PCNX3: variants seen among roughly 807,000 people sequenced by gnomAD.
The protein encoded by PCNX3 is pecanex 3.
A neutral mutation model predicts 207.2 loss-of-function variants in PCNX3; 58 were observed. That is an observed-to-expected ratio of 0.28 (90% CI 0.23 to 0.35). The LOEUF is 0.35. PCNX3 is among the 10% of genes least tolerant of loss of function. PCNX3 has a pLI of 1.00. For missense variants in PCNX3, 2,410 were observed against 2,774.4 expected (o/e 0.87, Z 2.95); for synonymous variants, 1,337 against 1,183.5 (o/e 1.13, Z -2.66).
Position 65,617,510 on chromosome 11 carries a change from G to A in PCNX3, c.481+1G>A. On this transcript the variant is annotated splice_donor_variant, in intron 4 of 34. Transcript: ENST00000355703. LOFTEE classifies it high-confidence loss of function. ...ATGGAGGACTCTGGGCCCCTTAGAGGTAGGTGGCTGCTCTTCAGGGTTGGA... is the reference window on the plus strand; with the variant it reads ...ATGGAGGACTCTGGGCCCCTTAGAGATAGGTGGCTGCTCTTCAGGGTTGGA... 2 of 1,613,968 alleles carry A rather than the reference G, an allele frequency of 1.2e-6. No individual in the cohort carries two copies. Among genetic ancestry groups the A allele is most frequent in the Non-Finnish European group, 1.7e-6 (2 of 1,179,878 alleles).
At position 65,627,015 on chromosome 11, in the gene PCNX3, C is replaced by A; in HGVS notation, c.3491C>A (p.Thr1164Lys). 6.5e-7 allele frequency: 1 copy of A among 1,536,380 alleles called. No homozygotes were observed. The highest frequency in any genetic ancestry group is 8.8e-7 in the Non-Finnish European group (1 of 1,139,586). Residue 1164 changes from threonine (T) to lysine (K), a missense_variant, in exon 21 of 35, where the codon ACA becomes AAA. By Grantham distance (78) the Thr-to-Lys change is moderately conservative (BLOSUM62 -1). Around this residue, in one of 8 missense-constraint regions of PCNX3, gnomAD observed 333 missense variants for 386.8 expected, o/e 0.86. Transcript: ENST00000355703. ...VLNALTVDAH[T>K]VVSHPDKYCF... ...AACGCCCTCACGGTGGACGCCCACA[C>A]AGTCGTCAGCCACCCGGACAAGTAC... is the stretch of plus-strand genomic sequence containing the variant.
chr11:65,635,094 G>A lies in PCNX3; in HGVS notation c.4927G>A (p.Val1643Ile), dbSNP rs760795981. ...GCTTCACCGCGTTGTGGCGCCTGGG[G>A]TTCGCATGGCCCTCAAGCTTCACCA... is the stretch of plus-strand genomic sequence containing the variant. ...DLLHRVVAPG[V>I]RMALKLHQDH... The change falls in exon 30 of 35, where the codon GTT becomes ATT. Residue 1643 changes from valine (V) to isoleucine (I), a missense_variant. Val to Ile is a conservative substitution (Grantham distance 29). Transcript: ENST00000355703. This position sits in a 1 kb window ranked among gnomAD's most constrained non-coding sequence, Gnocchi z 9.9. The A allele has an allele frequency of 1.2e-5, 19 of 1,613,640 alleles. No individual in the cohort carries two copies. The East Asian group carries it at 4.2e-4, about 36-fold the overall frequency.
At chr11:65,620,799 T>C (rs1425112292) in intron 9 of PCNX3, 32 bp from the exon 10 acceptor site, 1 of 1,586,664 alleles carries the variant, frequency 6.3e-7, no homozygotes, top group Non-Finnish European at 8.6e-7. Context: ...GGCTCGCCCG[T>C]GGGGGGATCC....
At chr11:65,622,107 C>T (rs1855135193) in intron 10 of PCNX3, 138 bp from the exon 11 acceptor site, 4 of 1,410,460 alleles carry the variant, frequency 2.8e-6, no homozygotes, top group African/African-American at 1.4e-5. Flanking sequence ...CCTTTATGTG[C>T]TGATGGAAAT....
Position 65,618,684 on chromosome 11 carries a change from GCTA to G in PCNX3, c.1324_1326del (p.Tyr442del), listed in dbSNP as rs755229258. The G allele has an allele frequency of 6.2e-7, 1 of 1,613,288 alleles. No individual in the cohort carries two copies. Among genetic ancestry groups the G allele is most frequent in the Non-Finnish European group, 8.5e-7 (1 of 1,179,804 alleles). On this transcript the variant is annotated inframe_deletion, in exon 6 of 35. Transcript: ENST00000355703. ...GCCTCCAGTCTCCGATCGCAGCGCC[GCTA>G]CAGTACTGACAGCTCCTCTTCTACT... is the stretch of plus-strand genomic sequence containing the variant.
At position 65,636,865 on chromosome 11, in the gene PCNX3, G is replaced by T; in HGVS notation, c.5992G>T (p.Asp1998Tyr). The change falls in exon 35 of 35, where the codon GAC becomes TAC. Residue 1998 changes from aspartate (D) to tyrosine (Y), a missense_variant. By Grantham distance (160) the Asp-to-Tyr change is radical. Coordinates refer to ENST00000355703, the MANE Select transcript of PCNX3 (RefSeq NM_032223.4). ...AGCTTCCCAGGACATTCCTTGCTTGGACAGCAGTGCCCCTGAGAGTGGCAC... is the reference window on the plus strand; with the variant it reads ...AGCTTCCCAGGACATTCCTTGCTTGTACAGCAGTGCCCCTGAGAGTGGCAC... ...PRASQDIPCL[D>Y]SSAPESGTPM... 1 of 1,551,446 alleles carries T rather than the reference G, an allele frequency of 6.4e-7. No homozygotes were observed. Among genetic ancestry groups the T allele is most frequent in the South Asian group, 1.2e-5 (1 of 84,102 alleles).
At position 65,635,901 on chromosome 11, in the gene PCNX3, C is replaced by T; in HGVS notation, c.5459+98C>T. ...GAGGGAGGACGTGCTGGAGCCAGGG[C>T]TTGAATCCCGAGAGATGACCCCCTC... On this transcript the variant is annotated intron_variant, in intron 32 of 34. Coordinates refer to ENST00000355703, the MANE Select transcript of PCNX3 (RefSeq NM_032223.4). This position sits in a 1 kb window ranked among gnomAD's most constrained non-coding sequence, Gnocchi z 9.9. 6.9e-7 allele frequency: 1 copy of T among 1,444,718 alleles called. No homozygotes were observed. Among genetic ancestry groups the T allele is most frequent in the Non-Finnish European group, 9.2e-7 (1 of 1,088,906 alleles). The allele number at this position is 1,444,718 out of a possible 1,614,324, so 89.5% of individuals were successfully genotyped here. A position where few individuals can be genotyped will look rare whatever the true frequency, so the allele number is the denominator to read the frequency against.
In PCNX3 at chr11:65,618,685, C is replaced by G; in HGVS notation, c.1323C>G (p.Arg441=). 6.2e-7 allele frequency: 1 copy of G among 1,613,370 alleles called. No individual in the cohort carries two copies. ...CCTCCAGTCTCCGATCGCAGCGCCG[C>G]TACAGTACTGACAGCTCCTCTTCTA... is the stretch of plus-strand genomic sequence containing the variant. ...SPASSLRSQR[R]YSTDSSSSTS... The change falls in exon 6 of 35, where the codon CGC becomes CGG. Residue 441 remains arginine, a synonymous_variant. Transcript: ENST00000355703.
intron 8 of PCNX3, among the ~76,000 whole-genome samples, 193 bp from the exon 9 acceptor site, chr11:65,620,146 C>G (rs1000204726): frequency 1.3e-5 from 2 of 152,240 alleles, no homozygotes; most frequent in African/African-American, 2.4e-5. Flanking sequence ...CAGGGGAGAT[C>G]TAAAGCTAGG....
chr11:65,635,124 G>T lies in PCNX3; in HGVS notation c.4953+4G>T, dbSNP rs763784332. Reference sequence around the variant, plus strand: ...CATGGCCCTCAAGCTTCACCAGGTTGGGGAGGGGTGTGCCCAGCAGCATGG... The same window carrying T: ...CATGGCCCTCAAGCTTCACCAGGTTTGGGAGGGGTGTGCCCAGCAGCATGG... On this transcript the variant is annotated splice_donor_region_variant and intron_variant, in intron 30 of 34. Transcript: ENST00000355703. This position sits in a 1 kb window ranked among gnomAD's most constrained non-coding sequence, Gnocchi z 9.9. 6.2e-7 allele frequency: 1 copy of T among 1,612,430 alleles called. No homozygotes were observed.
chr11:65,617,959 G>T lies in PCNX3; in HGVS notation c.597G>T (p.Thr199=), dbSNP rs368247343. 28 of 1,577,966 alleles carry T rather than the reference G, an allele frequency of 1.8e-5. No individual in the cohort carries two copies. The highest frequency in any genetic ancestry group is 2.4e-5 in the Non-Finnish European group (28 of 1,164,042). The stretch of plus-strand genomic sequence containing the variant: ...TGGCAGTTGGAGACCTTCCCCAGAC[G>T]CCTCCAGGGGCTGTCCCAGACCCCT... ...QEKLIGDLPQ[T]PPGAVPDPSL... The change falls in exon 6 of 35, where the codon ACG becomes ACT. Residue 199 remains threonine, a synonymous_variant. Coordinates refer to ENST00000355703, the MANE Select transcript of PCNX3 (RefSeq NM_032223.4).
At chr11:65,623,362 C>T (rs542961651) in intron 11 of PCNX3, 129 bp from the exon 12 acceptor site, 5 of 1,258,996 alleles carry the variant, frequency 4.0e-6, no homozygotes, top group East Asian at 5.4e-5. Flanking sequence ...GTGTTCACAT[C>T]TTCAGAGGAC....
chr11:65,623,169 G>A (rs1167580354), intron 11 of PCNX3, among the ~76,000 whole-genome samples: 3 of 152,258 alleles, frequency 2.0e-5, no homozygotes, highest in Non-Finnish European at 1.5e-5. Context: ...GCCCAAGGCA[G>A]CATGCACGAT....
In PCNX3 at chr11:65,636,602, G is replaced by C; in HGVS notation, c.5805G>C (p.Lys1935Asn). ...TCAGTTCTGAGGGCCCCAGTGGAAA[G>C]TGGAGCCTGGGGGGCCGGAAGGGGC... ...GLLSSEGPSGKWSLGGRKGLG... is the reference protein window; with the variant it reads ...GLLSSEGPSGNWSLGGRKGLG... Residue 1935 changes from lysine to asparagine, a missense_variant, in exon 34 of 35, where the codon AAG (lysine) becomes AAC (asparagine). Coordinates refer to ENST00000355703, the MANE Select transcript of PCNX3 (RefSeq NM_032223.4). 1.3e-6 allele frequency: 2 copies of C among 1,589,092 alleles called. No individual in the cohort carries two copies. The highest frequency in any genetic ancestry group is 2.3e-5 in the East Asian group (1 of 43,792).
chr11:65,629,857 G>A lies in PCNX3; in HGVS notation c.4216+122G>A. On this transcript the variant is annotated intron_variant, in intron 26 of 34. Transcript: ENST00000355703. ...CTGTCCAGGCTGGCGGGTGGCCTTGGGCAAGGCACTCCTCCTCCCTGGGCC... is the reference window on the plus strand; with the variant it reads ...CTGTCCAGGCTGGCGGGTGGCCTTGAGCAAGGCACTCCTCCTCCCTGGGCC... The A allele has an allele frequency of 2.8e-6, 3 of 1,064,992 alleles. No homozygotes were observed. The Middle Eastern group carries it at 9.0e-4, about 319-fold the overall frequency. The allele number at this position is 1,064,992 out of a possible 1,614,324, so 66.0% of individuals were successfully genotyped here.
chr11:65,629,489 T>C (rs571857340), intron 25 of PCNX3, 31 bp from the exon 26 acceptor site: 1 of 1,612,660 alleles, frequency 6.2e-7, no homozygotes, highest in Admixed American at 1.7e-5. Flanking sequence ...CTTGTCACTT[T>C]GTCCATTTGC....
At chr11:65,634,821 C>T (rs961986337) in intron 29 of PCNX3, among the ~76,000 whole-genome samples, 152 bp from the exon 30 acceptor site, 2 of 152,138 alleles carry the variant, frequency 1.3e-5, no homozygotes, top group Non-Finnish European at 2.9e-5. Flanking sequence ...CCTCAGTGCT[C>T]TGTGAGAGAC....
In PCNX3 at chr11:65,630,338, C is replaced by T. The variant is rs765911426; in HGVS notation, c.4217-13C>T. ...GTTCTAGCAGCCCCTGACTGCACAC[C>T]CCTCCTCCACAGGCACTTACTGCCA... On this transcript the variant is annotated splice_polypyrimidine_tract_variant and intron_variant, in intron 26 of 34. Coordinates refer to ENST00000355703, the MANE Select transcript of PCNX3 (RefSeq NM_032223.4). 4 of 1,611,942 alleles carry T rather than the reference C, an allele frequency of 2.5e-6. No homozygotes were observed. In the East Asian group the frequency reaches 6.7e-5, roughly 27 times the overall value.
rs780921794 is a variant in PCNX3 at position 65,625,918 on chromosome 11, C to G, written c.3243C>G (p.Phe1081Leu). The change falls in exon 20 of 35, where the codon TTC becomes TTG. Residue 1081 changes from phenylalanine (F) to leucine (L), a missense_variant. By Grantham distance (22) the Phe-to-Leu change is conservative. Coordinates refer to ENST00000355703, the MANE Select transcript of PCNX3 (RefSeq NM_032223.4). The surrounding 1 kb of genome is among the most constrained non-coding windows in gnomAD (Gnocchi z 5.6). ...VFIALKSVLGFVLYALAGAVG... is the reference protein window; with the variant it reads ...VFIALKSVLGLVLYALAGAVG... ...CCCTCCTGCAGTCGGTGCTGGGTTT[C>G]GTGTTGTACGCACTGGCTGGGGCCG... The G allele has an allele frequency of 6.2e-7, 1 of 1,613,578 alleles. No individual in the cohort carries two copies. The highest frequency in any genetic ancestry group is 1.7e-5 in the Admixed American group (1 of 60,014).
Sources: gnomAD v4.1 joint callset for allele counts (sites outside exome capture counted in the v4.1 genomes callset) on GRCh38, gnomAD v4.1.1 for gene constraint, gnomAD v4.1.1 regional missense constraint, Gnocchi (gnomAD v3.1) non-coding constraint, MANE v1.5 for transcripts, NCBI Gene and HGNC (gene_info 2026-07-23, HGNC 2026-07-21) for gene names.